Variants in PIWIL1 observed in about 807,000 individuals in gnomAD.
PIWIL1 encodes piwi-like protein 1.
PIWIL1 carries 73 observed loss-of-function variants against 114.4 expected under a neutral mutation model. The ratio of observed to expected loss-of-function variants is 0.64; its 90% confidence interval spans 0.53 to 0.78. The LOEUF (loss-of-function observed/expected upper bound fraction) is 0.78. Among genes scored for constraint, PIWIL1 ranks in the 30% least tolerant of loss-of-function variants. PIWIL1 has a pLI of 0.00. For missense variants in PIWIL1, 723 were observed against 1,063.1 expected (o/e 0.68, Z 4.45); for synonymous variants, 375 against 369.0 (o/e 1.02, Z -0.19).
At chr12:130,425,667 C>G in the PIWIL1 span, 7 of 152,596 alleles carry the variant, frequency 4.6e-5, no homozygotes, top group Non-Finnish European at 1.0e-4. Context: ...CACTCTCTGC[C>G]GGGGACAGCC....
downstream of PIWIL1, among the ~76,000 whole-genome samples, chr12:130,375,040 A>G (rs11835358): frequency 0.079 from 11,947 of 152,068 alleles, 1,504 homozygotes; most frequent in African/African-American, 0.27. Context: ...GACCCCCGCA[A>G]AAAAGAAACC....
At chr12:130,349,833 G>A (rs1191568827) in intron 8 of PIWIL1, 23 bp from the exon 9 acceptor site, 1 of 1,327,530 alleles carries the variant, frequency 7.5e-7, no homozygotes. Context: ...ATCAAATGCA[G>A]TCAAATCTCA....
At chr12:130,418,061 A>C in the PIWIL1 span, among the ~76,000 whole-genome samples, 1 of 152,228 alleles carries the variant, frequency 6.6e-6, no homozygotes, top group Non-Finnish European at 1.5e-5. Context: ...TATGCAGAAG[A>C]GACAGGACAG....
At chr12:130,339,925 C>A (rs757855908) in intron 1 of PIWIL1, among the ~76,000 whole-genome samples, 2 of 152,218 alleles carry the variant, frequency 1.3e-5, no homozygotes, top group Admixed American at 6.5e-5. Flanking sequence ...GATGAGAGTT[C>A]AGCTTGTCAC....
Position 130,349,190 on chromosome 12 carries a change from A to C in PIWIL1, c.735-49A>C, listed in dbSNP as rs777226323. 11 of 1,382,754 alleles carry C rather than the reference A, an allele frequency of 8.0e-6. No homozygotes were observed. The Admixed American group carries it at 1.4e-4, about 17-fold the overall frequency. 85.7% of individuals were successfully genotyped at this position (1,382,754 alleles called of 1,614,324 possible). On this transcript the variant is annotated intron_variant, in intron 7 of 20. Transcript: ENST00000245255. ...GAAAACGCAACTTAGTGTGTGCAGA[A>C]TGTGTTGAATGTGGAGAGGTTCTTC... is the stretch of plus-strand genomic sequence containing the variant.
At chr12:130,397,415 C>G in the PIWIL1 span, 1 of 398,956 alleles carries the variant, frequency 2.5e-6, no homozygotes, top group South Asian at 1.3e-4. Flanking sequence ...AAAGCAGCCC[C>G]TTTTTCTTTT....
the PIWIL1 span, among the ~76,000 whole-genome samples, chr12:130,410,546 G>C: frequency 1.3e-5 from 2 of 152,194 alleles, no homozygotes; most frequent in East Asian, 3.9e-4. Flanking sequence ...TTAATATGGT[G>C]AGAGTGTGGT....
intron 9 of PIWIL1, among the ~76,000 whole-genome samples, chr12:130,350,843 A>T (rs1323096155): frequency 6.6e-6 from 1 of 152,204 alleles, no homozygotes; most frequent in African/African-American, 2.4e-5. Flanking sequence ...CATGGAAAGT[A>T]TGCATCTTAT....
the PIWIL1 span, chr12:130,407,970 C>T: frequency 2.8e-6 from 2 of 711,856 alleles, no homozygotes; most frequent in Admixed American, 2.1e-5. Context: ...TGGGCACTCA[C>T]ATCAGCAAAC....
At chr12:130,393,673 C>G in the PIWIL1 span, among the ~76,000 whole-genome samples, 1 of 151,190 alleles carries the variant, frequency 6.6e-6, no homozygotes, top group African/African-American at 2.4e-5. Flanking sequence ...GTGAATTTAC[C>G]ACTTTTCACT....
the PIWIL1 span, among the ~76,000 whole-genome samples, chr12:130,406,791 T>G: frequency 6.6e-6 from 1 of 152,100 alleles, no homozygotes; most frequent in African/African-American, 2.4e-5. Context: ...GGACTACAGG[T>G]GTGTGCCACC....
chr12:130,413,977 C>G, the PIWIL1 span: 1 of 857,096 alleles, frequency 1.2e-6, no homozygotes, highest in Non-Finnish European at 1.8e-6. Context: ...CTTGCCGTCA[C>G]AGCACCATGC....
At position 130,346,127 on chromosome 12, in the gene PIWIL1, G is replaced by C. The variant is rs60885831; in HGVS notation, c.317-243G>C. 2.7e-3 allele frequency among the ~76,000 whole-genome samples: 412 copies of C among 152,222 alleles called. 1 individual carries two copies. The highest frequency in any genetic ancestry group is 9.1e-3 in the African/African-American group (378 of 41,544). ...GCCATGAAGAGATTTAGTTGGTTTTGTTGCAAATTATTTGTAAATTACTTA... is the reference window on the plus strand; with the variant it reads ...GCCATGAAGAGATTTAGTTGGTTTTCTTGCAAATTATTTGTAAATTACTTA... On this transcript the variant is annotated intron_variant, in intron 4 of 20. Coordinates refer to ENST00000245255, the MANE Select transcript of PIWIL1 (RefSeq NM_004764.5).
At chr12:130,393,730 A>G in the PIWIL1 span, among the ~76,000 whole-genome samples, 1 of 152,196 alleles carries the variant, frequency 6.6e-6, no homozygotes, top group African/African-American at 2.4e-5. Flanking sequence ...CCTTGCCTAG[A>G]TATCTCTTTT....
At chr12:130,418,689 C>G in the PIWIL1 span, among the ~76,000 whole-genome samples, 3 of 152,194 alleles carry the variant, frequency 2.0e-5, no homozygotes, top group Non-Finnish European at 2.9e-5. Flanking sequence ...AGGTCAGATT[C>G]TAGAGAGAGT....
chr12:130,378,970 G>T, the PIWIL1 span, among the ~76,000 whole-genome samples: 3 of 152,158 alleles, frequency 2.0e-5, no homozygotes, highest in South Asian at 2.1e-4. Flanking sequence ...GTCCACTGAT[G>T]GGGGAGAACC....
At chr12:130,367,280 G>A in intron 19 of PIWIL1, 22 bp downstream of exon 19, 1 of 1,597,480 alleles carries the variant, frequency 6.3e-7, no homozygotes, top group Non-Finnish European at 8.6e-7. Context: ...GTGATGAGCT[G>A]AAGGTTGTTT....
At chr12:130,415,608 A>C in the PIWIL1 span, among the ~76,000 whole-genome samples, 4 of 151,842 alleles carry the variant, frequency 2.6e-5, no homozygotes, top group African/African-American at 7.2e-5. Context: ...AAGTCAAATT[A>C]TCTCTCTTCA....
chr12:130,346,512 C>T lies in PIWIL1; in HGVS notation c.459C>T (p.His153=), dbSNP rs766051497. 2.5e-5 allele frequency: 41 copies of T among 1,613,856 alleles called. No individual in the cohort carries two copies. In the Admixed American group the frequency reaches 4.0e-4, roughly 16 times the overall value. ...RRLRSALLFQ[H]EDLIGKCHAF... Reference sequence around the variant, plus strand: ...TCCGTTCAGCTCTTCTTTTTCAACACGAAGATCTAATTGGAAAGTGTCATG... The same window carrying T: ...TCCGTTCAGCTCTTCTTTTTCAACATGAAGATCTAATTGGAAAGTGTCATG... The change falls in exon 5 of 21, where the codon CAC becomes CAT. Residue 153 remains histidine (H), a synonymous_variant. Coordinates refer to ENST00000245255, the MANE Select transcript of PIWIL1 (RefSeq NM_004764.5).
Sources: gnomAD v4.1 joint callset for allele counts (sites outside exome capture counted in the v4.1 genomes callset) on GRCh38, gnomAD v4.1.1 for gene constraint, MANE v1.5 for transcripts, NCBI Gene and HGNC (gene_info 2026-07-23, HGNC 2026-07-21) for gene names.